Variants in GNAL observed in about 807,000 individuals in gnomAD.
The protein encoded by GNAL is G protein subunit alpha L.
Under a neutral mutation model 55.1 loss-of-function variants are expected in GNAL, and 18 were observed. That is an observed-to-expected ratio of 0.33 (90% CI 0.23 to 0.48). The LOEUF (loss-of-function observed/expected upper bound fraction) is 0.48, where lower values mean the gene tolerates loss of function less well. Ranked by LOEUF, GNAL falls within the 20% of genes least tolerant of loss-of-function variation. The pLI, the probability that GNAL is intolerant of heterozygous loss-of-function variation, is 0.99. For missense variants in GNAL, 412 were observed against 614.1 expected (o/e 0.67, Z 3.48); for synonymous variants, 253 against 237.0 (o/e 1.07, Z -0.62).
At chr18:11,814,131 G>A (rs2034892819) in intron 4 of GNAL, among the ~76,000 whole-genome samples, 1 of 152,098 alleles carries the variant, frequency 6.6e-6, no homozygotes, top group Non-Finnish European at 1.5e-5. Context: ...CTAAGTGGTA[G>A]GCAAATATTT....
At chr18:11,852,033 C>T in intron 5 of GNAL, 1 of 1,613,770 alleles carries the variant, frequency 6.2e-7, no homozygotes, top group Non-Finnish European at 8.5e-7. Flanking sequence ...GCCAGACCGG[C>T]TCCGTGGGCA....
intron 1 of GNAL, among the ~76,000 whole-genome samples, chr18:11,702,705 A>G (rs1274185147): frequency 6.6e-6 from 1 of 152,082 alleles, no homozygotes; most frequent in Non-Finnish European, 1.5e-5. Context: ...CCATTGCAGC[A>G]CAGCATAAAA....
chr18:11,699,091 A>G (rs1027496703), intron 1 of GNAL, among the ~76,000 whole-genome samples: 2 of 152,176 alleles, frequency 1.3e-5, no homozygotes, highest in African/African-American at 2.4e-5. Flanking sequence ...CCAAAACCTC[A>G]CTGCATAAAT....
chr18:11,775,321 G>A (rs111364893), intron 4 of GNAL, among the ~76,000 whole-genome samples: 99 of 152,330 alleles, frequency 6.5e-4, no homozygotes, highest in African/African-American at 2.3e-3. Context: ...CACACTGGGA[G>A]GAAATATTTT....
intron 5 of GNAL, among the ~76,000 whole-genome samples, chr18:11,826,166 C>A (rs1340676880): frequency 6.6e-6 from 1 of 152,136 alleles, no homozygotes; most frequent in East Asian, 1.9e-4. Flanking sequence ...CTCACCATCC[C>A]CCATGGGATG....
At chr18:11,791,330 C>A (rs1268712270) in intron 4 of GNAL, among the ~76,000 whole-genome samples, 1 of 152,156 alleles carries the variant, frequency 6.6e-6, no homozygotes, top group Non-Finnish European at 1.5e-5. Context: ...ATGGGAACCG[C>A]TAGGTGTTTT....
intron 5 of GNAL, among the ~76,000 whole-genome samples, chr18:11,837,852 G>A (rs2035529817): frequency 6.6e-6 from 1 of 152,196 alleles, no homozygotes; most frequent in South Asian, 2.1e-4. Context: ...ATCAAAATGT[G>A]TAAACAGGCT....
intron 1 of GNAL, among the ~76,000 whole-genome samples, chr18:11,749,045 G>A (rs1229287730): frequency 6.8e-6 from 1 of 147,850 alleles, no homozygotes; most frequent in African/African-American, 2.5e-5. Flanking sequence ...AGAAGCCCCT[G>A]AAGCTGGGAG....
intron 5 of GNAL, among the ~76,000 whole-genome samples, chr18:11,846,464 T>TATACACAC (rs1555613166): frequency 0.55 from 77,196 of 139,922 alleles, 23,771 homozygotes; most frequent in Admixed American, 0.71. Flanking sequence ...TATATAAATA[T>TATACACAC]ACACACACAC....
Position 11,868,464 on chromosome 18 carries a change from A to T in GNAL, c.911-79A>T. On this transcript the variant is annotated intron_variant, in intron 8 of 11. Coordinates refer to ENST00000334049, the MANE Select transcript of GNAL (RefSeq NM_182978.4). This position sits in a 1 kb window ranked among gnomAD's most constrained non-coding sequence, Gnocchi z 4.0. ...AATGAATGTTTTTGTGGAACTGAGT[A>T]GCTGCTGGGTGTGTACTTTCTTGTA... 1 of 1,186,014 alleles carries T rather than the reference A, an allele frequency of 8.4e-7. No individual in the cohort carries two copies. The highest frequency in any genetic ancestry group is 1.2e-6 in the Non-Finnish European group (1 of 830,372). 73.5% of individuals were successfully genotyped at this position (1,186,014 alleles called of 1,614,324 possible).
intron 10 of GNAL, among the ~76,000 whole-genome samples, chr18:11,875,461 C>T (rs112204524): frequency 0.043 from 6,533 of 152,306 alleles, 461 homozygotes; most frequent in African/African-American, 0.15. Context: ...TGGGAGGTGA[C>T]TGGATCTTGG....
chr18:11,788,155 G>C (rs2034113967), intron 4 of GNAL, among the ~76,000 whole-genome samples: 1 of 152,180 alleles, frequency 6.6e-6, no homozygotes, highest in Admixed American at 6.5e-5. Flanking sequence ...TTATTCCCAA[G>C]TTGTGCTGTG....
At chr18:11,814,664 A>C (rs888333183) in intron 4 of GNAL, among the ~76,000 whole-genome samples, 1 of 152,198 alleles carries the variant, frequency 6.6e-6, no homozygotes, top group African/African-American at 2.4e-5. Flanking sequence ...TGGAAGGCCA[A>C]AGCAGGTGGA....
At chr18:11,802,579 C>T (rs550316704) in intron 4 of GNAL, among the ~76,000 whole-genome samples, 2 of 152,302 alleles carry the variant, frequency 1.3e-5, no homozygotes, top group African/African-American at 2.4e-5. Context: ...TTCATCCAAA[C>T]CCCCAGTGAC....
intron 4 of GNAL, among the ~76,000 whole-genome samples, chr18:11,822,839 T>C (rs1213952030): frequency 8.4e-6 from 1 of 119,724 alleles, no homozygotes; most frequent in African/African-American, 3.2e-5. Context: ...TTTTTTTTTT[T>C]GACCAAATTT....
intron 10 of GNAL, among the ~76,000 whole-genome samples, chr18:11,875,251 C>T (rs376328672): frequency 5.9e-5 from 9 of 152,132 alleles, no homozygotes; most frequent in Non-Finnish European, 1.3e-4. Context: ...CTGGAGGCTC[C>T]GAGCTTTCCT....
chr18:11,693,714 G>A (rs925892535), intron 1 of GNAL, among the ~76,000 whole-genome samples: 8 of 148,792 alleles, frequency 5.4e-5, no homozygotes, highest in Non-Finnish European at 8.9e-5. Flanking sequence ...CTCAGACCCA[G>A]GGAAGGTGCA....
At chr18:11,813,662 A>G (rs1231994449) in intron 4 of GNAL, among the ~76,000 whole-genome samples, 1 of 152,236 alleles carries the variant, frequency 6.6e-6, no homozygotes, top group Non-Finnish European at 1.5e-5. Context: ...GGAGAGAGCT[A>G]GAGATCAGTG....
intron 1 of GNAL, among the ~76,000 whole-genome samples, chr18:11,715,653 T>A (rs921911405): frequency 2.6e-5 from 4 of 152,148 alleles, no homozygotes; most frequent in African/African-American, 9.6e-5. Flanking sequence ...CAGGTGCAGA[T>A]GCCCTGAGGT....
Sources: gnomAD v4.1 joint callset for allele counts (sites outside exome capture counted in the v4.1 genomes callset) on GRCh38, gnomAD v4.1.1 for gene constraint, Gnocchi (gnomAD v3.1) non-coding constraint, MANE v1.5 for transcripts, NCBI Gene and HGNC (gene_info 2026-07-23, HGNC 2026-07-21) for gene names.